Variants in LPP observed in about 807,000 individuals in gnomAD.
The protein encoded by LPP is LIM domain containing preferred translocation partner in lipoma, also known as lipoma-preferred partner.
In LPP, 38 loss-of-function variants were observed where a neutral mutation model predicts 60.4. The ratio of observed to expected loss-of-function variants is 0.63; its 90% CI spans 0.49 to 0.83. The LOEUF is 0.83. Ranked by LOEUF, LPP falls within the 40% of genes least tolerant of loss-of-function variation. The pLI is 0.00. For synonymous variants in LPP, 328 were observed against 290.8 expected (o/e 1.13, Z -1.30); for missense variants, 902 against 783.6 (o/e 1.15, Z -1.80).
chr3:188,595,485 T>G (rs1039280647), intron 6 of LPP, among the ~76,000 whole-genome samples: 1 of 152,168 alleles, frequency 6.6e-6, no homozygotes, highest in Non-Finnish European at 1.5e-5. Context: ...CCCCTTGCTC[T>G]GCCATGGAGC....
chr3:188,484,845 A>G, intron 5 of LPP, 141 bp downstream of exon 5: 1 of 611,050 alleles, frequency 1.6e-6, no homozygotes, highest in Non-Finnish European at 2.8e-6. Context: ...GAGCTTTACA[A>G]CTTATGAAGA....
intron 2 of LPP, among the ~76,000 whole-genome samples, chr3:188,276,798 C>T (rs1739982301): frequency 6.6e-6 from 1 of 150,918 alleles, no homozygotes; most frequent in Non-Finnish European, 1.5e-5. Context: ...TGGGAAGCTT[C>T]CTGAGCCTCC....
chr3:188,764,286 C>T (rs1216210782), intron 9 of LPP, among the ~76,000 whole-genome samples: 1 of 152,120 alleles, frequency 6.6e-6, no homozygotes, highest in Non-Finnish European at 1.5e-5. Flanking sequence ...TCCTCATTTA[C>T]TAAAGGGAGA....
At chr3:188,345,263 C>T (rs771062475) in intron 3 of LPP, among the ~76,000 whole-genome samples, 2 of 152,158 alleles carry the variant, frequency 1.3e-5, no homozygotes, top group Non-Finnish European at 2.9e-5. Context: ...TGTCCTTAAA[C>T]ATAAATGGAC....
intron 7 of LPP, among the ~76,000 whole-genome samples, chr3:188,669,314 C>A (rs1856451800): frequency 6.6e-6 from 1 of 152,174 alleles, no homozygotes; most frequent in South Asian, 2.1e-4. Context: ...TGATGGCTCA[C>A]ACCTGTAATC....
intron 9 of LPP, among the ~76,000 whole-genome samples, chr3:188,816,483 G>A (rs1318467520): frequency 1.3e-5 from 2 of 152,002 alleles, no homozygotes; most frequent in Non-Finnish European, 2.9e-5. Flanking sequence ...TTACAGGCGT[G>A]AGCCACCATG....
chr3:188,367,951 C>T (rs1366430357), intron 3 of LPP, among the ~76,000 whole-genome samples: 1 of 152,206 alleles, frequency 6.6e-6, no homozygotes, highest in Non-Finnish European at 1.5e-5. Context: ...TTAAGGTTCA[C>T]ATCTGTCATC....
rs774459346 is a variant in LPP, at chr3:188,760,176, A to G, written c.1304A>G (p.Gln435Arg). The change falls in exon 9 of 12, where the codon CAG becomes CGG. Residue 435 changes from glutamine to arginine, a missense_variant. Coordinates refer to ENST00000617246, the MANE Select transcript of LPP (RefSeq NM_001375462.1). The part of the protein sequence containing the change: ...GEGTGCTAMD[Q>R]VFHVDCFTCI... ...GGTACAGGATGCACTGCCATGGATC[A>G]GGTCTTCCACGTGGATTGTTTTACC... 32 of 1,613,980 alleles carry G rather than the reference A, an allele frequency of 2.0e-5. No homozygotes were observed. The highest frequency in any genetic ancestry group is 2.6e-5 in the Non-Finnish European group (31 of 1,179,992).
intron 1 of LPP, among the ~76,000 whole-genome samples, chr3:188,185,724 C>T (rs1726399800): frequency 6.6e-6 from 1 of 152,154 alleles, no homozygotes; most frequent in South Asian, 2.1e-4. Flanking sequence ...GACACTCTCC[C>T]TAGGAATCCC....
rs1056393578 is a variant in LPP, at chr3:188,610,540, A to C, written c.1113+696A>C. On this transcript the variant is annotated intron_variant, in intron 7 of 11. Transcript: ENST00000617246. The surrounding 1 kb of genome is among the most constrained non-coding windows in gnomAD (Gnocchi z 4.4). ...TTCATTTTACTAATCCTCCAGAAAG[A>C]ATCTTATTCTTCAGCCTTTAGCACT... 3.3e-5 allele frequency among the ~76,000 whole-genome samples: 5 copies of C among 152,234 alleles called. No individual in the cohort carries two copies. The highest frequency in any genetic ancestry group is 9.6e-5 in the African/African-American group (4 of 41,468).
At chr3:188,204,375 T>C (rs1262713060) in intron 1 of LPP, among the ~76,000 whole-genome samples, 1 of 152,126 alleles carries the variant, frequency 6.6e-6, no homozygotes, top group Non-Finnish European at 1.5e-5. Flanking sequence ...AAAATCTCAA[T>C]GAAATGCATC....
chr3:188,826,647 CT>C (rs1755594598), intron 9 of LPP, among the ~76,000 whole-genome samples: 1 of 152,036 alleles, frequency 6.6e-6, no homozygotes, highest in African/African-American at 2.4e-5. Context: ...CTTGAATTCC[CT>C]CCCTCAAGCT....
At chr3:188,570,644 A>G (rs1833333448) in intron 6 of LPP, among the ~76,000 whole-genome samples, 1 of 152,036 alleles carries the variant, frequency 6.6e-6, no homozygotes, top group Admixed American at 6.6e-5. Context: ...AATGCACCAG[A>G]TTTAATCAAT....
chr3:188,682,303 G>A lies in LPP; in HGVS notation c.1114-25964G>A, dbSNP rs150571597. Among the ~76,000 whole-genome samples, 9 of 152,328 alleles carry A rather than the reference G, an allele frequency of 5.9e-5. No homozygotes were observed. The East Asian group carries it at 1.3e-3, about 23-fold the overall frequency. Reference sequence around the variant, plus strand: ...CATGATGCATATGCAAGAAATTACTGACTTTTCAATCCAATGGTAACACAG... The same window carrying A: ...CATGATGCATATGCAAGAAATTACTAACTTTTCAATCCAATGGTAACACAG... On this transcript the variant is annotated intron_variant, in intron 7 of 11. Coordinates refer to ENST00000617246, the MANE Select transcript of LPP (RefSeq NM_001375462.1).
At chr3:188,573,192 C>T (rs1833891415) in intron 6 of LPP, among the ~76,000 whole-genome samples, 1 of 151,952 alleles carries the variant, frequency 6.6e-6, no homozygotes, top group African/African-American at 2.4e-5. Context: ...AGATGACAAC[C>T]CAAGGCACAA....
chr3:188,237,048 A>T (rs1722171782), intron 2 of LPP, among the ~76,000 whole-genome samples: 1 of 152,190 alleles, frequency 6.6e-6, no homozygotes, highest in Non-Finnish European at 1.5e-5. Context: ...TGCTTTATCC[A>T]TTAAGTTTAT....
chr3:188,420,951 C>T (rs1476047429), intron 4 of LPP, among the ~76,000 whole-genome samples: 3 of 152,082 alleles, frequency 2.0e-5, no homozygotes, highest in African/African-American at 7.2e-5. Flanking sequence ...GTTGCCTGAG[C>T]TGTGCATGTG....
intron 2 of LPP, among the ~76,000 whole-genome samples, chr3:188,268,625 C>T (rs1038821442): frequency 3.9e-5 from 6 of 152,266 alleles, no homozygotes; most frequent in East Asian, 1.9e-4. Flanking sequence ...CCTGTTAGGA[C>T]GGAGGAGGCA....
intron 5 of LPP, among the ~76,000 whole-genome samples, chr3:188,494,212 C>A (rs550449143): frequency 1.1e-4 from 17 of 152,218 alleles, no homozygotes; most frequent in African/African-American, 3.4e-4. Flanking sequence ...TAATCTGGGT[C>A]CTCAAGGCTA....
Sources: allele counts gnomAD v4.1 joint callset (sites outside exome capture counted in the v4.1 genomes callset), GRCh38; gene constraint gnomAD v4.1.1; non-coding constraint Gnocchi (gnomAD v3.1); transcripts MANE v1.5; gene names NCBI Gene and HGNC (gene_info 2026-07-23, HGNC 2026-07-21).